The following GRID2IP variants were observed in gnomAD, a reference collection of about 807,000 sequenced individuals.
GRID2IP encodes Grid2 interacting protein.
Under a neutral mutation model 114.3 loss-of-function variants are expected in GRID2IP, and 78 were observed. The ratio of observed to expected loss-of-function variants is 0.68; its 90% CI spans 0.57 to 0.82. The LOEUF is 0.82. Among genes scored for constraint, GRID2IP ranks in the 40% least tolerant of loss-of-function variants. The probability of loss-of-function intolerance (pLI) is 0.00; values close to 1 mark genes in which losing one functional copy is unlikely to be tolerated. For synonymous variants in GRID2IP, 809 were observed against 724.0 expected (o/e 1.12, Z -1.89); for missense variants, 1,727 against 1,678.5 (o/e 1.03, Z -0.51).
intron 18 of GRID2IP, 108 bp from the exon 19 acceptor site, chr7:6,502,226 C>G: frequency 2.7e-6 from 3 of 1,101,898 alleles, no homozygotes; most frequent in Non-Finnish European, 3.9e-6. Flanking sequence ...ATTCTTGGCG[C>G]CCCCACTTTT....
chr7:6,503,552 C>G lies in GRID2IP; in HGVS notation c.2846G>C (p.Arg949Pro). 1 of 1,528,760 alleles carries G rather than the reference C, an allele frequency of 6.5e-7. No homozygotes were observed. Among genetic ancestry groups the G allele is most frequent in the Non-Finnish European group, 8.7e-7 (1 of 1,144,150 alleles). The allele number at this position is 1,528,760 out of a possible 1,614,324, so 94.7% of individuals were successfully genotyped here. A position where few individuals can be genotyped will look rare whatever the true frequency, so the allele number is the denominator to read the frequency against. ...GGGCGCCTCGCGGAAGGCCTGGTAG[C>G]GCTGCTCCTCGTCGGCGTCGGGCGC... ...LFAPDADEEQ[R>P]YQAFREAPGR... Residue 949 changes from arginine (R) to proline (P), a missense_variant, in exon 16 of 22, where the codon CGC becomes CCC. Coordinates refer to ENST00000457091, the MANE Select transcript of GRID2IP (RefSeq NM_001145118.2).
rs1267398159 is a variant in GRID2IP at position 6,510,993 on chromosome 7, C to T, written c.1470G>A (p.Glu490=). The T allele has an allele frequency of 6.5e-6, 10 of 1,537,268 alleles. No individual in the cohort carries two copies. Among genetic ancestry groups the T allele is most frequent in the Non-Finnish European group, 7.9e-6 (9 of 1,140,290 alleles). The change falls in exon 9 of 22, where the codon GAG becomes GAA. Residue 490 remains glutamate (E), a synonymous_variant. Transcript: ENST00000457091. ...CCCGCAGGGAGCTCCGCGGCTGGGGCTCAGGCGTGGGCTCGGACTCCAGGT... is the reference window on the plus strand; with the variant it reads ...CCCGCAGGGAGCTCCGCGGCTGGGGTTCAGGCGTGGGCTCGGACTCCAGGT... ...ELDLESEPTP[E]PQPRSSLRAS... is the part of the protein sequence containing the mutation.
At position 6,503,151 on chromosome 7, in the gene GRID2IP, G is replaced by C; in HGVS notation, c.2920C>G (p.Pro974Ala). The change falls in exon 17 of 22, where the codon CCC becomes GCC. Residue 974 changes from proline to alanine, a missense_variant. Pro to Ala is a conservative substitution (Grantham distance 27). Transcript: ENST00000457091. ...CTGCGCAGGCGTGTCTTGTATTCGG[G>C]AACTGACAGCATCTGCCTCGAAGGC... ...DQFVLQMLSV[P>A]EYKTRLRSLH... 6.7e-7 allele frequency: 1 copy of C among 1,495,900 alleles called. No homozygotes were observed. Among genetic ancestry groups the C allele is most frequent in the Non-Finnish European group, 9.0e-7 (1 of 1,114,398 alleles). 92.7% of individuals were successfully genotyped at this position (1,495,900 alleles called of 1,614,324 possible). A position where few individuals can be genotyped will look rare whatever the true frequency, so the allele number is the denominator to read the frequency against.
intron 14 of GRID2IP, among the ~76,000 whole-genome samples, chr7:6,505,460 G>C (rs1036903667): frequency 1.0e-4 from 15 of 149,328 alleles, no homozygotes; most frequent in African/African-American, 3.7e-4. Context: ...CTCCACCTCC[G>C]AGGCTCAATC....
intron 8 of GRID2IP, among the ~76,000 whole-genome samples, chr7:6,511,379 GT>G (rs34075957): frequency 0.14 from 20,411 of 149,316 alleles, 1,648 homozygotes; most frequent in East Asian, 0.31. Flanking sequence ...AAATAGAAGT[GT>G]TTTTTTTTTG....
chr7:6,531,097 C>T, intron 2 of GRID2IP: 1 of 557,328 alleles, frequency 1.8e-6, no homozygotes, highest in Non-Finnish European at 3.2e-6. Context: ...CCTGGTCCTT[C>T]CCCATCTGGA....
intron 2 of GRID2IP, among the ~76,000 whole-genome samples, chr7:6,538,979 G>A (rs1199907112): frequency 6.6e-6 from 1 of 151,672 alleles, no homozygotes; most frequent in Non-Finnish European, 1.5e-5. Context: ...GGTGGAGGTC[G>A]AGGGGGTACT....
intron 8 of GRID2IP, among the ~76,000 whole-genome samples, chr7:6,512,083 A>C (rs28730928): frequency 3.6e-5 from 5 of 139,860 alleles, no homozygotes; most frequent in Admixed American, 1.4e-4. Flanking sequence ...AAATTTTTGT[A>C]TTTTTTTTTT....
chr7:6,531,146 G>C (rs1385004061), intron 2 of GRID2IP: 2 of 504,268 alleles, frequency 4.0e-6, no homozygotes, highest in Non-Finnish European at 7.0e-6. Flanking sequence ...AAGGGCAGGG[G>C]GTAGCCGAGC....
At chr7:6,498,572 C>CTTTTT (rs34146767) in intron 20 of GRID2IP, among the ~76,000 whole-genome samples, 76 of 68,120 alleles carry the variant, frequency 1.1e-3, no homozygotes, top group African/African-American at 1.6e-3. Context: ...CTAGGCCTTA[C>CTTTTT]TTTTTTTTTT....
intron 9 of GRID2IP, 41 bp from the exon 10 acceptor site, chr7:6,510,747 G>A: frequency 2.6e-6 from 4 of 1,526,636 alleles, no homozygotes; most frequent in Non-Finnish European, 3.5e-6. Flanking sequence ...GAGCTCTACG[G>A]CTCAGGCCCC....
intron 2 of GRID2IP, among the ~76,000 whole-genome samples, chr7:6,533,204 A>G (rs1207349016): frequency 6.6e-6 from 1 of 152,170 alleles, no homozygotes; most frequent in Non-Finnish European, 1.5e-5. Flanking sequence ...AGCCCCTGAC[A>G]ACACAGAAAT....
intron 4 of GRID2IP, among the ~76,000 whole-genome samples, chr7:6,525,722 T>A (rs1452050624): frequency 6.6e-6 from 1 of 152,140 alleles, no homozygotes; most frequent in East Asian, 1.9e-4. Context: ...AAGTCCATAT[T>A]CAGCAGGTGT....
chr7:6,514,968 A>G (rs1392968316), intron 7 of GRID2IP, among the ~76,000 whole-genome samples: 1 of 149,160 alleles, frequency 6.7e-6, no homozygotes, highest in African/African-American at 2.5e-5. Context: ...AAAAAAAAAG[A>G]AAAGAAAAAG....
chr7:6,502,761 G>A lies in GRID2IP; in HGVS notation c.3150+25C>T, dbSNP rs191622048. On this transcript the variant is annotated intron_variant, in intron 18 of 21. Transcript: ENST00000457091. ...GCCTTGCTGGTAGAGCAAACCAGTCGATTGCTGCCGGCAGGTCCCCTCACC... is the reference window on the plus strand; with the variant it reads ...GCCTTGCTGGTAGAGCAAACCAGTCAATTGCTGCCGGCAGGTCCCCTCACC... 34 of 1,524,916 alleles carry A rather than the reference G, an allele frequency of 2.2e-5. No homozygotes were observed. The East Asian group carries it at 5.9e-4, about 26-fold the overall frequency. The allele number at this position is 1,524,916 out of a possible 1,614,324, so 94.5% of individuals were successfully genotyped here. A position where few individuals can be genotyped will look rare whatever the true frequency, so the allele number is the denominator to read the frequency against.
In GRID2IP at chr7:6,503,581, G is replaced by T; in HGVS notation, c.2817C>A (p.Leu939=). ...GCTCCTCGTCGGCGTCGGGCGCGAA[G>T]AGCAGCAGCTGCGCGAGATGTGCGG... The part of the protein sequence containing the change: ...LEPAHLAQLL[L]FAPDADEEQR... The change falls in exon 16 of 22, where the codon CTC becomes CTA. Residue 939 remains leucine, a synonymous_variant. Coordinates refer to ENST00000457091, the MANE Select transcript of GRID2IP (RefSeq NM_001145118.2). 1 of 1,529,508 alleles carries T rather than the reference G, an allele frequency of 6.5e-7. No homozygotes were observed. 94.7% of individuals were successfully genotyped at this position (1,529,508 alleles called of 1,614,324 possible).
At chr7:6,535,231 T>C (rs980378449) in intron 2 of GRID2IP, among the ~76,000 whole-genome samples, 2 of 152,106 alleles carry the variant, frequency 1.3e-5, no homozygotes, top group Non-Finnish European at 2.9e-5. Context: ...GGTTTCACCA[T>C]GTTGGCCAGG....
At chr7:6,544,319 G>A (rs1487151905) in intron 1 of GRID2IP, among the ~76,000 whole-genome samples, 1 of 150,744 alleles carries the variant, frequency 6.6e-6, no homozygotes, top group East Asian at 2.0e-4. Context: ...CACTCTTATT[G>A]CCCAGGCTGG....
At position 6,521,607 on chromosome 7, in the gene GRID2IP, C is replaced by T. The variant is rs934855699; in HGVS notation, c.990-84G>A. 48 of 968,728 alleles carry T rather than the reference C, an allele frequency of 5.0e-5. 1 individual carries two copies. Among genetic ancestry groups the T allele is most frequent in the Middle Eastern group, 4.5e-4 (2 of 4,468 alleles). The allele number at this position is 968,728 out of a possible 1,614,324, so 60.0% of individuals were successfully genotyped here. ...CAGCCAGACCTCCCTGTCCTGCCCA[C>T]AGAGGTCACACAGCAAGACCACCTC... On this transcript the variant is annotated intron_variant, in intron 5 of 21. Coordinates refer to ENST00000457091, the MANE Select transcript of GRID2IP (RefSeq NM_001145118.2). This position sits in a 1 kb window ranked among gnomAD's most constrained non-coding sequence, Gnocchi z 4.1.
Sources: allele counts gnomAD v4.1 joint callset (sites outside exome capture counted in the v4.1 genomes callset), GRCh38; gene constraint gnomAD v4.1.1; non-coding constraint Gnocchi (gnomAD v3.1); transcripts MANE v1.5; gene names NCBI Gene and HGNC (gene_info 2026-07-23, HGNC 2026-07-21).